STOX2: variants seen among roughly 807,000 people sequenced by gnomAD.
STOX2 encodes storkhead box 2, also known as storkhead-box protein 2.
A neutral mutation model predicts 60.9 loss-of-function variants in STOX2; 28 were observed. The observed-to-expected ratio is 0.46, with a 90% CI of 0.34 to 0.63. The LOEUF (loss-of-function observed/expected upper bound fraction) is 0.63. Ranked by LOEUF, STOX2 falls within the 30% of genes least tolerant of loss-of-function variation. STOX2 has a pLI of 0.01. For missense variants in STOX2, 1,024 were observed against 1,187.7 expected (o/e 0.86, Z 2.03); for synonymous variants, 472 against 463.9 (o/e 1.02, Z -0.22).
At chr4:183,960,100 A>T (rs549982591) in intron 1 of STOX2, among the ~76,000 whole-genome samples, 2 of 152,208 alleles carry the variant, frequency 1.3e-5, no homozygotes, top group Non-Finnish European at 2.9e-5. Flanking sequence ...AGCAGCTGGG[A>T]TGTGTTGTCA....
chr4:183,981,296 A>G (rs1732650345), intron 1 of STOX2, among the ~76,000 whole-genome samples: 1 of 152,216 alleles, frequency 6.6e-6, no homozygotes, highest in African/African-American at 2.4e-5. Flanking sequence ...ATTACAGAGT[A>G]GAATGCATAG....
chr4:183,880,181 T>A (rs1740926934), intron 1 of STOX2, among the ~76,000 whole-genome samples: 1 of 151,948 alleles, frequency 6.6e-6, no homozygotes. Flanking sequence ...GGGGTATCAC[T>A]GTATGTTGGC....
At chr4:183,829,814 G>A (rs1308647992) in intron 1 of STOX2, among the ~76,000 whole-genome samples, 2 of 152,192 alleles carry the variant, frequency 1.3e-5, no homozygotes, top group Admixed American at 6.5e-5. Flanking sequence ...TCTGTTATGT[G>A]TTGGAAATGA....
chr4:183,938,510 A>T (rs147812779), intron 1 of STOX2, among the ~76,000 whole-genome samples: 2,429 of 152,110 alleles, frequency 0.016, 41 homozygotes, highest in Middle Eastern at 0.071. Context: ...CTCTACTAAA[A>T]ATACACAAAT....
intron 1 of STOX2, among the ~76,000 whole-genome samples, chr4:183,892,523 G>T (rs887007015): frequency 1.3e-5 from 2 of 152,018 alleles, no homozygotes; most frequent in African/African-American, 4.8e-5. Context: ...CTTGTCATCC[G>T]CCCGCCTCGG....
rs1741622990 is a variant in STOX2 at position 183,906,705 on chromosome 4, C to T, written c.-86C>T. 2.2e-6 allele frequency: 3 copies of T among 1,358,782 alleles called. No homozygotes were observed. Among genetic ancestry groups the T allele is most frequent in the Non-Finnish European group, 2.9e-6 (3 of 1,026,252 alleles). The allele number at this position is 1,358,782 out of a possible 1,614,324, so 84.2% of individuals were successfully genotyped here. ...AAATGTGCGCAGAGTCCGCCCGGGT[C>T]GTGCCCGCCGTAGACGGATGAAGGA... On this transcript the variant is annotated 5_prime_UTR_variant, in exon 1 of 4. Coordinates refer to ENST00000308497, the MANE Select transcript of STOX2 (RefSeq NM_020225.3).
intron 1 of STOX2, among the ~76,000 whole-genome samples, chr4:183,954,315 G>A (rs1282364706): frequency 8.4e-6 from 1 of 118,500 alleles, no homozygotes; most frequent in Non-Finnish European, 1.9e-5. Context: ...TTGAGATGGA[G>A]TCTCACTCTG....
intron 1 of STOX2, among the ~76,000 whole-genome samples, chr4:183,917,461 A>G (rs1229773395): frequency 1.3e-5 from 2 of 152,248 alleles, no homozygotes; most frequent in African/African-American, 4.8e-5. Context: ...TAAAACTTCC[A>G]TTTAGATTAG....
chr4:184,021,535 C>G lies in STOX2; in HGVS notation c.*4251C>G, dbSNP rs1734593405. ...TAAAGCGGGTGATTGACAGATCCACCCAAATGCCACTGCAGTCAGAAGCAG... is the reference window on the plus strand; with the variant it reads ...TAAAGCGGGTGATTGACAGATCCACGCAAATGCCACTGCAGTCAGAAGCAG... On this transcript the variant is annotated 3_prime_UTR_variant, in exon 4 of 4. Coordinates refer to ENST00000308497, the MANE Select transcript of STOX2 (RefSeq NM_020225.3). 6.6e-6 allele frequency: 1 copy of G among 152,060 alleles called. No homozygotes were observed. 9.4% of individuals were successfully genotyped at this position (152,060 alleles called of 1,614,324 possible). A position where few individuals can be genotyped will look rare whatever the true frequency, so the allele number is the denominator to read the frequency against.
chr4:184,010,652 C>T lies in STOX2; in HGVS notation c.1814C>T (p.Thr605Ile). Residue 605 changes from threonine to isoleucine, a missense_variant, in exon 3 of 4, where the codon ACC becomes ATC. Thr to Ile is a moderately conservative substitution (Grantham distance 89). This residue lies in a region of STOX2 where 922 missense variants were observed against 1,058.3 expected (regional missense o/e 0.87). Coordinates refer to ENST00000308497, the MANE Select transcript of STOX2 (RefSeq NM_020225.3). The surrounding 1 kb of genome is among the most constrained non-coding windows in gnomAD (Gnocchi z 4.5). ...ACAGATGACTATTTCCAGTGCAACA[C>T]CTCTAGTGAGACGGTGCTCACGGCA... Reference protein sequence around the residue: ...TATDDYFQCNTSSETVLTAPS... With the variant: ...TATDDYFQCNISSETVLTAPS... 1 of 1,614,064 alleles carries T rather than the reference C, an allele frequency of 6.2e-7. No homozygotes were observed. Among genetic ancestry groups the T allele is most frequent in the Non-Finnish European group, 8.5e-7 (1 of 1,179,902 alleles).
chr4:183,847,184 A>G (rs1160204583), intron 1 of STOX2, among the ~76,000 whole-genome samples: 1 of 152,172 alleles, frequency 6.6e-6, no homozygotes, highest in Non-Finnish European at 1.5e-5. Context: ...CAGAGCCTGA[A>G]AGTCAGGCAG....
At chr4:184,002,766 G>C (rs1442644667) in intron 2 of STOX2, among the ~76,000 whole-genome samples, 1 of 152,168 alleles carries the variant, frequency 6.6e-6, no homozygotes, top group Non-Finnish European at 1.5e-5. Context: ...GGAAGAGAAC[G>C]GGAGGACGAA....
chr4:183,816,229 A>G (rs1350898702), intron 1 of STOX2, among the ~76,000 whole-genome samples: 1 of 152,222 alleles, frequency 6.6e-6, no homozygotes. Flanking sequence ...GTCTTATTTT[A>G]AAAATGGTGA....
chr4:183,932,398 CA>C (rs536038596), intron 1 of STOX2, among the ~76,000 whole-genome samples: 3 of 13,488 alleles, frequency 2.2e-4, no homozygotes, highest in East Asian at 2.2e-3. Flanking sequence ...TGTATACATA[CA>C]GTATATGTAT....
At chr4:183,881,899 A>C (rs1018406712) in intron 1 of STOX2, among the ~76,000 whole-genome samples, 9 of 152,222 alleles carry the variant, frequency 5.9e-5, no homozygotes, top group African/African-American at 2.2e-4. Context: ...TCCATTCTAG[A>C]AGTGGAACTT....
chr4:183,930,166 CT>C (rs11318493), intron 1 of STOX2, among the ~76,000 whole-genome samples: 33,626 of 135,572 alleles, frequency 0.25, 7,576 homozygotes, highest in African/African-American at 0.61. Context: ...ACCAGGCCAA[CT>C]TTTTTTTTTT....
Position 184,020,329 on chromosome 4 carries a change from GT to G in STOX2, c.*3047del, listed in dbSNP as rs1443982993. The G allele has an allele frequency of 3.3e-5, 5 of 152,140 alleles. No individual in the cohort carries two copies. Among genetic ancestry groups the G allele is most frequent in the African/African-American group, 1.2e-4 (5 of 41,420 alleles). 9.4% of individuals were successfully genotyped at this position (152,140 alleles called of 1,614,324 possible). A position where few individuals can be genotyped will look rare whatever the true frequency, so the allele number is the denominator to read the frequency against. The stretch of plus-strand genomic sequence containing the variant: ...TCCCCACGAAAGCGCACTCGATTTT[GT>G]TAGGAATGAACGGAAGTTTAAAAAT... On this transcript the variant is annotated 3_prime_UTR_variant, in exon 4 of 4. Transcript: ENST00000308497.
chr4:183,824,740 T>C (rs1579305634), intron 1 of STOX2, among the ~76,000 whole-genome samples: 1 of 152,200 alleles, frequency 6.6e-6, no homozygotes, highest in South Asian at 2.1e-4. Context: ...GTATGTATTA[T>C]GTGATGCACC....
chr4:184,000,301 G>A (rs988816618), intron 1 of STOX2, among the ~76,000 whole-genome samples: 1 of 152,138 alleles, frequency 6.6e-6, no homozygotes, highest in Non-Finnish European at 1.5e-5. Flanking sequence ...TATTTGCATT[G>A]TAGGTTGACA....
Sources: gnomAD v4.1 joint callset for allele counts (sites outside exome capture counted in the v4.1 genomes callset) on GRCh38, gnomAD v4.1.1 for gene constraint, gnomAD v4.1.1 regional missense constraint, Gnocchi (gnomAD v3.1) non-coding constraint, MANE v1.5 for transcripts, NCBI Gene and HGNC (gene_info 2026-07-23, HGNC 2026-07-21) for gene names.